Variants in DLC1 observed in about 807,000 individuals in gnomAD.
DLC1 encodes the protein rho GTPase-activating protein 7.
A neutral mutation model predicts 140.3 loss-of-function variants in DLC1; 54 were observed. The ratio of observed to expected loss-of-function variants is 0.38; its 90% confidence interval spans 0.31 to 0.48. The LOEUF is 0.48. Among genes scored for constraint, DLC1 ranks in the 20% least tolerant of loss-of-function variants. The pLI is 0.96. For synonymous variants in DLC1, 986 were observed against 728.1 expected (o/e 1.35, Z -5.70); for missense variants, 2,536 against 1,907.0 (o/e 1.33, Z -6.14).
chr8:13,207,371 T>G (rs1465659296), intron 5 of DLC1, among the ~76,000 whole-genome samples: 4 of 152,170 alleles, frequency 2.6e-5, no homozygotes, highest in Non-Finnish European at 5.9e-5. Flanking sequence ...AAAAGTTGTA[T>G]TTTGTCCGTT....
chr8:13,276,088 A>G (rs1339782293), intron 5 of DLC1, among the ~76,000 whole-genome samples: 1 of 152,240 alleles, frequency 6.6e-6, no homozygotes, highest in Non-Finnish European at 1.5e-5. Context: ...TCAACACTCC[A>G]TCAAGGTTAA....
At chr8:13,206,921 G>A (rs1827692961) in intron 5 of DLC1, among the ~76,000 whole-genome samples, 1 of 152,020 alleles carries the variant, frequency 6.6e-6, no homozygotes, top group South Asian at 2.1e-4. Context: ...ATAAGCAGCT[G>A]TCACTATTAT....
chr8:13,464,835 A>G (rs1356491195), intron 2 of DLC1, among the ~76,000 whole-genome samples: 5 of 149,074 alleles, frequency 3.4e-5, no homozygotes, highest in African/African-American at 1.2e-4. Flanking sequence ...TTACAGCTAT[A>G]TAAATGTATA....
Position 13,099,547 on chromosome 8 carries a change from C to G in DLC1, c.2790G>C (p.Glu930Asp). Residue 930 changes from glutamate (E) to aspartate (D), a missense_variant, in exon 9 of 18, where the codon GAG (glutamate) becomes GAC (aspartate). Transcript: ENST00000276297. The part of the protein sequence containing the change: ...VNQWSEKFSD[E>D]GDSDSALDSV... ...AGTCCAGGGCTGAGTCCGAATCTCC[C>G]TCATCAGAAAACTTCTCCGACCACT... 1 of 1,614,184 alleles carries G rather than the reference C, an allele frequency of 6.2e-7. No individual in the cohort carries two copies. Among genetic ancestry groups the G allele is most frequent in the Non-Finnish European group, 8.5e-7 (1 of 1,180,034 alleles).
At chr8:13,438,392 C>T (rs929302750) in intron 2 of DLC1, among the ~76,000 whole-genome samples, 3 of 151,942 alleles carry the variant, frequency 2.0e-5, no homozygotes, top group South Asian at 2.1e-4. Context: ...TTGGAATTGT[C>T]GCTTGCATTC....
At chr8:13,151,867 T>C (rs1823842908) in intron 5 of DLC1, among the ~76,000 whole-genome samples, 1 of 152,050 alleles carries the variant, frequency 6.6e-6, no homozygotes. Flanking sequence ...GTAAAAGTTA[T>C]TTTTTTTAAA....
intron 2 of DLC1, among the ~76,000 whole-genome samples, chr8:13,486,726 C>G (rs1023181742): frequency 2.1e-4 from 5 of 23,404 alleles, no homozygotes; most frequent in Admixed American, 1.0e-3. Flanking sequence ...TAAGATGACA[C>G]CTAGCATGGT....
intron 2 of DLC1, among the ~76,000 whole-genome samples, chr8:13,446,128 TC>T (rs955321601): frequency 1.3e-5 from 2 of 151,736 alleles, no homozygotes; most frequent in African/African-American, 2.4e-5. Flanking sequence ...CAAAGAACTC[TC>T]CCCCCCTCTG....
chr8:13,220,886 GC>G (rs1828510681), intron 5 of DLC1, among the ~76,000 whole-genome samples: 1 of 152,150 alleles, frequency 6.6e-6, no homozygotes, highest in African/African-American at 2.4e-5. Context: ...TGTGGGCCCT[GC>G]CAGGCAAGCT....
chr8:13,307,070 A>C (rs1389496682), intron 4 of DLC1, among the ~76,000 whole-genome samples: 5 of 117,100 alleles, frequency 4.3e-5, no homozygotes, highest in East Asian at 2.7e-4. Context: ...GGTGACAGAG[A>C]GAGACTCTGT....
In DLC1 at chr8:13,128,432, G is replaced by C. The variant is rs144431229; in HGVS notation, c.1349-12775C>G. Among the ~76,000 whole-genome samples, 9 of 152,238 alleles carry C rather than the reference G, an allele frequency of 5.9e-5. No homozygotes were observed. The South Asian group carries it at 1.7e-3, about 28-fold the overall frequency. On this transcript the variant is annotated intron_variant, in intron 5 of 17. Transcript: ENST00000276297. ...GTCATTCCTGCACTCTAACATTACA[G>C]CTGCCTACCTACGCACACAAGCCTC...
chr8:13,354,799 A>AG (rs60117366), intron 4 of DLC1, among the ~76,000 whole-genome samples: 2 of 151,202 alleles, frequency 1.3e-5, no homozygotes, highest in Admixed American at 6.6e-5. Context: ...AAAAAAAAAA[A>AG]TTAGCTGGGC....
intron 4 of DLC1, among the ~76,000 whole-genome samples, chr8:13,359,269 C>G (rs1315238055): frequency 2.6e-5 from 4 of 151,928 alleles, no homozygotes; most frequent in Admixed American, 2.0e-4. Context: ...AGTGTTCTCT[C>G]TCCTCTCTCA....
intron 1 of DLC1, among the ~76,000 whole-genome samples, chr8:13,537,157 G>C (rs1803310680): frequency 6.6e-6 from 1 of 151,768 alleles, no homozygotes; most frequent in Non-Finnish European, 1.5e-5. Flanking sequence ...TATTATATTA[G>C]CAGAAATTCA....
chr8:13,182,611 G>A (rs1339846631), intron 5 of DLC1, among the ~76,000 whole-genome samples: 1 of 152,110 alleles, frequency 6.6e-6, no homozygotes, highest in East Asian at 1.9e-4. Flanking sequence ...TGTCAGGTTT[G>A]TCAAAGATCA....
intron 3 of DLC1, among the ~76,000 whole-genome samples, chr8:13,397,037 C>T (rs147874619): frequency 1.3e-5 from 2 of 152,038 alleles, no homozygotes; most frequent in African/African-American, 4.8e-5. Flanking sequence ...CCAGTTATGC[C>T]ATTCTTTGGG....
intron 10 of DLC1, among the ~76,000 whole-genome samples, chr8:13,096,380 G>T (rs1012328559): frequency 6.6e-6 from 1 of 152,132 alleles, no homozygotes; most frequent in Non-Finnish European, 1.5e-5. Flanking sequence ...AAGACAGACT[G>T]CTTTGCCTTT....
At chr8:13,161,897 A>G (rs988452859) in intron 5 of DLC1, among the ~76,000 whole-genome samples, 1 of 152,214 alleles carries the variant, frequency 6.6e-6, no homozygotes, top group African/African-American at 2.4e-5. Flanking sequence ...GGGACAAAAT[A>G]TCTTACTCAG....
chr8:13,556,371 G>A (rs539692236), intron 1 of DLC1, among the ~76,000 whole-genome samples: 3 of 152,236 alleles, frequency 2.0e-5, no homozygotes, highest in African/African-American at 7.2e-5. Flanking sequence ...AGAAAATATT[G>A]ATGTCTGCGT....
Sources: allele counts gnomAD v4.1 joint callset (sites outside exome capture counted in the v4.1 genomes callset), GRCh38; gene constraint gnomAD v4.1.1; transcripts MANE v1.5; gene names NCBI Gene and HGNC (gene_info 2026-07-23, HGNC 2026-07-21).